Variants in INO80C observed in about 807,000 individuals in gnomAD.
The protein encoded by INO80C is IES6 homolog.
In INO80C, 17 loss-of-function variants were observed where a neutral mutation model predicts 17.7. The observed-to-expected ratio is 0.96, with a 90% CI of 0.66 to 1.44. The LOEUF is 1.44. INO80C is among the 40% of genes most tolerant of loss of function. The pLI is 0.00. For missense variants in INO80C, 244 were observed against 245.0 expected, an observed-to-expected ratio of 1.00 and a Z score of 0.03; for synonymous variants, 96 against 95.8, an observed-to-expected ratio of 1.00 and a Z score of -0.01.
At chr18:35,476,905 T>C (rs1230749348) in intron 4 of INO80C, among the ~76,000 whole-genome samples, 4 of 152,098 alleles carry the variant, frequency 2.6e-5, no homozygotes, top group Admixed American at 1.3e-4. Flanking sequence ...AACTCAACAA[T>C]ATGCTTTCAA....
chr18:35,475,778 TC>T (rs1477614115), intron 4 of INO80C, among the ~76,000 whole-genome samples: 1 of 152,014 alleles, frequency 6.6e-6, no homozygotes, highest in African/African-American at 2.4e-5. Context: ...AGTAAATTGT[TC>T]CAGTAGAAAG....
intron 1 of INO80C, chr18:35,497,184 A>G (rs1179388397): frequency 4.7e-6 from 1 of 212,066 alleles, no homozygotes; most frequent in Non-Finnish European, 8.1e-6. Flanking sequence ...CAGTGCCTTT[A>G]CACTCATTAC....
chr18:35,468,639 A>C lies in INO80C; in HGVS notation c.551T>G (p.Leu184Arg). Reference protein sequence around the residue: ...PSDVVTGYLALRKATSIVP With the variant: ...PSDVVTGYLARRKATSIVP ...GGGAACGATGCTCGTGGCCTTCCTC[A>C]GGGCCAGGTAGCCGGTGACGACGTC... Residue 184 changes from leucine (L) to arginine (R), a missense_variant, in exon 5 of 5, where the codon CTG (leucine) becomes CGG (arginine). Coordinates refer to ENST00000334598, the MANE Select transcript of INO80C (RefSeq NM_194281.4). 1 of 1,614,066 alleles carries C rather than the reference A, an allele frequency of 6.2e-7. No individual in the cohort carries two copies. The highest frequency in any genetic ancestry group is 8.5e-7 in the Non-Finnish European group (1 of 1,179,992).
intron 1 of INO80C, among the ~76,000 whole-genome samples, chr18:35,495,910 G>A (rs1372758037): frequency 6.6e-6 from 1 of 152,094 alleles, no homozygotes; most frequent in Non-Finnish European, 1.5e-5. Flanking sequence ...AAAAGTGATT[G>A]ATATCATTAG....
At chr18:35,468,946 C>T (rs1463911037) in intron 4 of INO80C, among the ~76,000 whole-genome samples, 4 of 152,046 alleles carry the variant, frequency 2.6e-5, no homozygotes, top group South Asian at 2.1e-4. Context: ...AGGGTATGGA[C>T]GAGAGGAAGG....
chr18:35,486,927 C>G (rs1348178255), intron 1 of INO80C, among the ~76,000 whole-genome samples: 1 of 151,856 alleles, frequency 6.6e-6, no homozygotes, highest in African/African-American at 2.4e-5. Flanking sequence ...CACTACTTGT[C>G]AACCACCACA....
intron 4 of INO80C, among the ~76,000 whole-genome samples, chr18:35,477,127 C>T (rs1277325913): frequency 1.3e-5 from 2 of 152,082 alleles, no homozygotes; most frequent in African/African-American, 4.8e-5. Flanking sequence ...GCCTGTAGTC[C>T]CAGCTACTCA....
chr18:35,487,152 C>A (rs550222527), intron 1 of INO80C, among the ~76,000 whole-genome samples: 1 of 152,168 alleles, frequency 6.6e-6, no homozygotes, highest in South Asian at 2.1e-4. Context: ...TCAAGTGCCA[C>A]AACAGGATGC....
chr18:35,477,783 C>T (rs568028572), intron 4 of INO80C, among the ~76,000 whole-genome samples: 5 of 152,102 alleles, frequency 3.3e-5, no homozygotes, highest in South Asian at 4.2e-4. Context: ...GGAAGATAGG[C>T]GGCCAGATCC....
chr18:35,497,566 G>C, intron 1 of INO80C, 153 bp downstream of exon 1: 3 of 1,420,572 alleles, frequency 2.1e-6, no homozygotes, highest in South Asian at 1.5e-5. Context: ...CGAAGGGAAA[G>C]AGTAGTCATT....
Position 35,480,528 on chromosome 18 carries a change from CA to C in INO80C, c.191del (p.Met64ArgfsTer34). The C allele has an allele frequency of 1.2e-6, 2 of 1,613,974 alleles. No homozygotes were observed. The highest frequency in any genetic ancestry group is 1.7e-6 in the Non-Finnish European group (2 of 1,179,796). On this transcript the variant is annotated frameshift_variant, in exon 2 of 5. Transcript: ENST00000334598. LOFTEE classifies it high-confidence loss of function. ...GTCCTGTGCTAAACTCAGAGGGCAC[CA>C]TTTTATTCTCACTCATGGCTTCCAT... ...ISMEAMSENK[M>X]VPSEFSTGPV...
chr18:35,490,323 G>C (rs2144082550), intron 1 of INO80C, among the ~76,000 whole-genome samples: 1 of 152,258 alleles, frequency 6.6e-6, no homozygotes, highest in South Asian at 2.1e-4. Context: ...AGGAGACTGG[G>C]CCTACGAGTG....
intron 4 of INO80C, among the ~76,000 whole-genome samples, chr18:35,476,236 C>G (rs1282505456): frequency 2.0e-5 from 3 of 152,198 alleles, no homozygotes; most frequent in African/African-American, 7.2e-5. Context: ...AAATACCTGA[C>G]TAGTGCTCCT....
At chr18:35,480,673 C>T (rs1382290655) in intron 1 of INO80C, 110 bp from the exon 2 acceptor site, 3 of 816,786 alleles carry the variant, frequency 3.7e-6, no homozygotes, top group Non-Finnish European at 4.1e-6. Context: ...CAAGGGAAGA[C>T]AGTATGCCCA....
rs765209093 is a variant in INO80C at position 35,468,787 on chromosome 18, TAGGGATATTTTA to T, written c.448-57_448-46del. 98 of 1,569,938 alleles carry T rather than the reference TAGGGATATTTTA, an allele frequency of 6.2e-5. 1 individual carries two copies. The Admixed American group carries it at 1.7e-3, about 27-fold the overall frequency. ...GGGAAGGGCAGAAAGTTTTTGCTGG[TAGGGATATTTTA>T]AGTTCAAGTTTAAAAATTTTTTCTA... is the stretch of plus-strand genomic sequence containing the variant. On this transcript the variant is annotated intron_variant, in intron 4 of 4. Transcript: ENST00000334598.
Position 35,489,688 on chromosome 18 carries a change from G to A in INO80C, c.156+8031C>T, listed in dbSNP as rs180965069. Among the ~76,000 whole-genome samples, 100 of 152,310 alleles carry A rather than the reference G, an allele frequency of 6.6e-4. 1 individual carries two copies. The highest frequency in any genetic ancestry group is 1.9e-3 in the African/African-American group (79 of 41,574). On this transcript the variant is annotated intron_variant, in intron 1 of 4. Transcript: ENST00000334598. ...AAGATATGACAACTAAATACAACGT[G>A]TGATCCTGGATTGGATTCTGAACCA...
intron 1 of INO80C, among the ~76,000 whole-genome samples, chr18:35,483,210 A>AT (rs1009468681): frequency 2.0e-5 from 3 of 151,748 alleles, no homozygotes; most frequent in Admixed American, 6.6e-5. Context: ...TGCTTGTATG[A>AT]TTTTTTTTCC....
intron 4 of INO80C, among the ~76,000 whole-genome samples, chr18:35,471,333 CT>C (rs537399402): frequency 4.1e-4 from 62 of 152,328 alleles, no homozygotes; most frequent in Admixed American, 2.9e-3. Context: ...ATGTCTACCC[CT>C]ATACACATAT....
At chr18:35,468,929 A>G (rs1015881218) in intron 4 of INO80C, among the ~76,000 whole-genome samples, 187 bp from the exon 5 acceptor site, 4 of 152,062 alleles carry the variant, frequency 2.6e-5, no homozygotes, top group African/African-American at 9.7e-5. Flanking sequence ...GACTCTAGAA[A>G]CACTTCAGGG....
Sources: allele counts gnomAD v4.1 joint callset (sites outside exome capture counted in the v4.1 genomes callset), GRCh38; gene constraint gnomAD v4.1.1; transcripts MANE v1.5; gene names NCBI Gene and HGNC (gene_info 2026-07-23, HGNC 2026-07-21).